Variants in SUGCT observed in about 807,000 individuals in gnomAD.
The protein encoded by SUGCT is succinyl-CoA:glutarate CoA-transferase.
SUGCT carries 41 observed loss-of-function variants against 55.0 expected under a neutral mutation model. The ratio of observed to expected loss-of-function variants is 0.74; its 90% CI spans 0.58 to 0.97. The LOEUF (loss-of-function observed/expected upper bound fraction) is 0.97, where lower values mean the gene tolerates loss of function less well. Among genes scored for constraint, SUGCT ranks in the 50% least tolerant of loss-of-function variants. SUGCT has a pLI of 0.00. For missense variants in SUGCT, 568 were observed against 547.8 expected (o/e 1.04, Z -0.37); for synonymous variants, 187 against 200.4 (o/e 0.93, Z 0.56).
rs1788552478 is a variant in SUGCT at position 40,761,933 on chromosome 7, A to C, written c.1153+12436A>C. Among the ~76,000 whole-genome samples, 3 of 152,298 alleles carry C rather than the reference A, an allele frequency of 2.0e-5. 1 individual carries two copies. In the South Asian group the frequency reaches 6.2e-4, roughly 32 times the overall value. ...AGCGTCAAAGTGGGTTCTTTCTGCTATGACAGCGGAATACCCATGAACACT... is the reference window on the plus strand; with the variant it reads ...AGCGTCAAAGTGGGTTCTTTCTGCTCTGACAGCGGAATACCCATGAACACT... On this transcript the variant is annotated intron_variant, in intron 13 of 13. Transcript: ENST00000335693.
intron 12 of SUGCT, among the ~76,000 whole-genome samples, chr7:40,504,140 C>T (rs2151536191): frequency 6.6e-6 from 1 of 152,240 alleles, no homozygotes; most frequent in Middle Eastern, 3.4e-3. Flanking sequence ...GTACTTATAA[C>T]ATGAGTAAGT....
rs992111564 is a variant in SUGCT at position 40,534,521 on chromosome 7, C to T, written c.1089+38135C>T. Among the ~76,000 whole-genome samples the T allele has an allele frequency of 2.1e-4, 32 of 152,256 alleles. 1 individual carries two copies. The highest frequency in any genetic ancestry group is 1.6e-3 in the Admixed American group (25 of 15,298). On this transcript the variant is annotated intron_variant, in intron 12 of 13. Transcript: ENST00000335693. ...TCCTCAGCCTCACGAGTAGCTGGGA[C>T]TACAGGCATGTGCTGCCATGCCCAG...
At chr7:40,657,748 C>T (rs1244755474) in intron 12 of SUGCT, among the ~76,000 whole-genome samples, 1 of 152,206 alleles carries the variant, frequency 6.6e-6, no homozygotes, top group Admixed American at 6.5e-5. Context: ...GTTGGCCACG[C>T]TGATCTTGAT....
intron 9 of SUGCT, among the ~76,000 whole-genome samples, chr7:40,335,210 G>C (rs1338378696): frequency 6.6e-6 from 1 of 152,116 alleles, no homozygotes; most frequent in African/African-American, 2.4e-5. Flanking sequence ...TTGTTCTTTT[G>C]GCTTAGGATT....
intron 13 of SUGCT, among the ~76,000 whole-genome samples, chr7:40,824,023 G>T (rs933178876): frequency 2.6e-5 from 4 of 152,128 alleles, no homozygotes; most frequent in Admixed American, 2.0e-4. Flanking sequence ...TAGTGGTGAT[G>T]ACTGGGGAGT....
At chr7:40,248,957 C>G (rs939711759) in intron 7 of SUGCT, among the ~76,000 whole-genome samples, 1 of 151,916 alleles carries the variant, frequency 6.6e-6, no homozygotes, top group South Asian at 2.1e-4. Flanking sequence ...CTCTCTCACT[C>G]TCTCTTAAAA....
At chr7:40,211,364 C>T (rs1005016440) in intron 6 of SUGCT, among the ~76,000 whole-genome samples, 5 of 152,112 alleles carry the variant, frequency 3.3e-5, no homozygotes, top group Non-Finnish European at 7.4e-5. Context: ...CAGGTGCCCA[C>T]CATCATGCCT....
intron 12 of SUGCT, among the ~76,000 whole-genome samples, chr7:40,678,732 T>C (rs1422348937): frequency 6.6e-6 from 1 of 152,196 alleles, no homozygotes; most frequent in Non-Finnish European, 1.5e-5. Context: ...CTGTAACATT[T>C]TGAATACAGT....
At chr7:40,487,416 A>T (rs571590936) in intron 11 of SUGCT, among the ~76,000 whole-genome samples, 3 of 151,566 alleles carry the variant, frequency 2.0e-5, no homozygotes, top group East Asian at 3.9e-4. Context: ...TGAATCTTAA[A>T]TTTTTTAAGA....
At chr7:40,606,996 T>C (rs941291526) in intron 12 of SUGCT, among the ~76,000 whole-genome samples, 3 of 152,184 alleles carry the variant, frequency 2.0e-5, no homozygotes, top group Admixed American at 2.0e-4. Flanking sequence ...TCTAACCTTT[T>C]AATTAGGAGG....
chr7:40,917,143 G>T, the SUGCT span, among the ~76,000 whole-genome samples: 1 of 152,224 alleles, frequency 6.6e-6, no homozygotes, highest in Admixed American at 6.5e-5. Flanking sequence ...TCTGGGTTGA[G>T]AAGCATTAGC....
intron 12 of SUGCT, among the ~76,000 whole-genome samples, chr7:40,608,023 T>C (rs1798607470): frequency 6.6e-6 from 1 of 152,202 alleles, no homozygotes; most frequent in South Asian, 2.1e-4. Flanking sequence ...ACCTGTGAGT[T>C]CTATTATTAG....
At chr7:40,307,920 C>T (rs1794925601) in intron 8 of SUGCT, among the ~76,000 whole-genome samples, 1 of 152,140 alleles carries the variant, frequency 6.6e-6, no homozygotes, top group Non-Finnish European at 1.5e-5. Flanking sequence ...ATGCCAGAAA[C>T]TCAAAATCTC....
At chr7:40,567,013 C>G (rs1002215661) in intron 12 of SUGCT, among the ~76,000 whole-genome samples, 3 of 152,204 alleles carry the variant, frequency 2.0e-5, no homozygotes, top group African/African-American at 7.2e-5. Context: ...CCTGTCCCCC[C>G]AAAAGCCACA....
chr7:40,897,944 C>T, the SUGCT span, among the ~76,000 whole-genome samples: 1 of 152,118 alleles, frequency 6.6e-6, no homozygotes. Context: ...GTGGATGGGG[C>T]CAGATAAGAG....
chr7:40,423,938 A>AT (rs1471806409), intron 9 of SUGCT, among the ~76,000 whole-genome samples: 2 of 151,976 alleles, frequency 1.3e-5, no homozygotes, highest in African/African-American at 4.8e-5. Context: ...AGTTTTTCTA[A>AT]TTTTTTTGAC....
chr7:41,017,372 C>T, the SUGCT span, among the ~76,000 whole-genome samples: 4 of 152,148 alleles, frequency 2.6e-5, no homozygotes, highest in South Asian at 2.1e-4. Context: ...CATGGCAGAC[C>T]CTTCTAGTGA....
chr7:40,493,904 C>A (rs906504237), intron 11 of SUGCT, among the ~76,000 whole-genome samples: 2 of 152,134 alleles, frequency 1.3e-5, no homozygotes, highest in Admixed American at 6.5e-5. Context: ...CAGTGGAATG[C>A]AACGATGTTC....
chr7:40,425,462 C>G (rs551727635), intron 9 of SUGCT, among the ~76,000 whole-genome samples: 35 of 152,240 alleles, frequency 2.3e-4, no homozygotes, highest in African/African-American at 7.7e-4. Context: ...GTGATTTGCT[C>G]AAGGCCATAT....
Sources: gnomAD v4.1 joint callset for allele counts (sites outside exome capture counted in the v4.1 genomes callset) on GRCh38, gnomAD v4.1.1 for gene constraint, MANE v1.5 for transcripts, NCBI Gene and HGNC (gene_info 2026-07-23, HGNC 2026-07-21) for gene names.